Variants in THOC2 observed in about 807,000 individuals in gnomAD.
The protein encoded by THOC2 is THO complex subunit 2, also known as THO complex 2.
In THOC2, 10 loss-of-function variants were observed where a neutral mutation model predicts 128.4. The ratio of observed to expected loss-of-function variants is 0.08; its 90% confidence interval spans 0.05 to 0.13. The LOEUF is 0.13. Ranked by LOEUF, THOC2 falls within the 10% of genes least tolerant of loss-of-function variation. The pLI is 1.00. For synonymous variants in THOC2, 393 were observed against 396.9 expected, an observed-to-expected ratio of 0.99 and a Z score of 0.12; for missense variants, 535 against 1,155.7, an observed-to-expected ratio of 0.46 and a Z score of 7.79.
intron 19 of THOC2, 114 bp from the exon 20 acceptor site, chrX:123,634,184 G>C (rs945339685): frequency 4.9e-6 from 2 of 409,350 alleles, no homozygotes; most frequent in Non-Finnish European, 8.1e-6. Flanking sequence ...TAAATATGGG[G>C]GAAGGGGCTG....
At position 123,624,646 on chromosome X, in the gene THOC2, T is replaced by G; in HGVS notation, c.3081A>C (p.Thr1027=). The change falls in exon 26 of 39, where the codon ACA becomes ACC. Residue 1027 remains threonine, a synonymous_variant. Coordinates refer to ENST00000245838, the MANE Select transcript of THOC2 (RefSeq NM_001081550.2). ...YDRVFSDIIY[T]VASCTENEAS... The stretch of plus-strand genomic sequence containing the variant: ...CTTCATTTTCAGTACAGCTTGCAAC[T>G]GTGTAAATTATGTCAGAGAAAACCT... 4 of 1,206,567 alleles carry G rather than the reference T, an allele frequency of 3.3e-6. No homozygotes were observed. Among genetic ancestry groups the G allele is most frequent in the Non-Finnish European group, 4.5e-6 (4 of 892,330 alleles).
intron 12 of THOC2, among the ~76,000 whole-genome samples, chrX:123,656,744 T>C (rs911023338): frequency 1.8e-5 from 2 of 108,961 alleles, no homozygotes; most frequent in Non-Finnish European, 3.8e-5. Context: ...GCATGGTGGC[T>C]CACGCCTGTA....
intron 9 of THOC2, among the ~76,000 whole-genome samples, chrX:123,669,607 C>T (rs1055920554): frequency 5.4e-5 from 6 of 111,620 alleles, no homozygotes; most frequent in Non-Finnish European, 7.5e-5. Context: ...TGAGCCACTG[C>T]GCCCGGCCAT....
intron 22 of THOC2, among the ~76,000 whole-genome samples, chrX:123,630,526 T>G (rs1178463093): frequency 9.8e-6 from 1 of 102,527 alleles, no homozygotes; most frequent in African/African-American, 3.7e-5. Context: ...GATAGGAGTA[T>G]CGCTTGAACC....
intron 1 of THOC2, among the ~76,000 whole-genome samples, chrX:123,715,296 A>G (rs1195927254): frequency 4.5e-5 from 5 of 109,965 alleles, no homozygotes; most frequent in Non-Finnish European, 9.5e-5. Context: ...CCTCAGCCCA[A>G]CAAAGTTCTG....
At chrX:123,687,752 T>G (rs2050059095) in intron 7 of THOC2, among the ~76,000 whole-genome samples, 1 of 111,859 alleles carries the variant, frequency 8.9e-6, no homozygotes, top group Non-Finnish European at 1.9e-5. Context: ...ATCCTCCAAA[T>G]ACAAGTTTTC....
At chrX:123,656,379 A>T (rs1225915684) in intron 12 of THOC2, among the ~76,000 whole-genome samples, 2 of 103,594 alleles carry the variant, frequency 1.9e-5, no homozygotes, top group Admixed American at 1.1e-4. Flanking sequence ...AGAGGAACTT[A>T]TGCTATTTAC....
intron 4 of THOC2, among the ~76,000 whole-genome samples, chrX:123,701,883 T>C (rs2050720479): frequency 9.0e-6 from 1 of 111,086 alleles, no homozygotes; most frequent in Non-Finnish European, 1.9e-5. Context: ...CTGGGACATG[T>C]GGTCATCTCA....
intron 30 of THOC2, 108 bp from the exon 31 acceptor site, chrX:123,621,695 G>C: frequency 1.7e-6 from 1 of 598,479 alleles, no homozygotes; most frequent in South Asian, 4.4e-5. Flanking sequence ...AAAAATACTA[G>C]AACTAAGGGG....
chrX:123,622,995 A>G (rs1334118847), intron 29 of THOC2, 110 bp downstream of exon 29: 2 of 886,002 alleles, frequency 2.3e-6, no homozygotes, highest in Admixed American at 6.3e-5. Flanking sequence ...ACTCCTATCT[A>G]GGGAATAAAA....
intron 12 of THOC2, among the ~76,000 whole-genome samples, chrX:123,654,163 C>T (rs2048472296): frequency 9.1e-6 from 1 of 110,145 alleles, no homozygotes; most frequent in Admixed American, 9.8e-5. Context: ...GAACAGAAAA[C>T]CAAACACCGC....
chrX:123,637,802 G>A (rs1318770033), intron 18 of THOC2, among the ~76,000 whole-genome samples: 1 of 111,190 alleles, frequency 9.0e-6, no homozygotes, highest in African/African-American at 3.3e-5. Context: ...CACCTCCCCA[G>A]TAATGCTTAC....
At chrX:123,713,448 C>T (rs1160333221) in intron 1 of THOC2, among the ~76,000 whole-genome samples, 2 of 102,697 alleles carry the variant, frequency 1.9e-5, no homozygotes, top group African/African-American at 7.3e-5. Flanking sequence ...GCACTGCAGC[C>T]TGGCAACAGA....
At chrX:123,677,686 T>C (rs1489355126) in intron 8 of THOC2, among the ~76,000 whole-genome samples, 1 of 109,432 alleles carries the variant, frequency 9.1e-6, no homozygotes, top group Non-Finnish European at 1.9e-5. Flanking sequence ...CTGGCCAATA[T>C]GGTGAAACTC....
rs770364856 is a variant in THOC2 at position 123,626,074 on chromosome X, AAAT to A, written c.2900-8_2900-6del. On this transcript the variant is annotated splice_region_variant and splice_polypyrimidine_tract_variant and intron_variant, in intron 24 of 38. Coordinates refer to ENST00000245838, the MANE Select transcript of THOC2 (RefSeq NM_001081550.2). ...TGGTCTCATTTTTGGTAGATTCTAA[AAAT>A]AAAGGAAGAATATATTAAGTGGTAA... 44 of 1,168,669 alleles carry A rather than the reference AAAT, an allele frequency of 3.8e-5. No homozygotes were observed. In the South Asian group the frequency reaches 6.9e-4, roughly 18 times the overall value.
chrX:123,684,082 G>C lies in THOC2; in HGVS notation c.768+2466C>G, dbSNP rs28536593. Among the ~76,000 whole-genome samples, 413 of 110,158 alleles carry C rather than the reference G, an allele frequency of 3.7e-3. 3 individuals are homozygous for C. Among genetic ancestry groups the C allele is most frequent in the African/African-American group, 0.013 (391 of 30,399 alleles). ...TTATTCAAATACTGTTGACCCCCCC[G>C]GGTATATTTTAATTCAGCTCAGAAA... On this transcript the variant is annotated intron_variant, in intron 8 of 38. Transcript: ENST00000245838.
At chrX:123,702,618 A>G in intron 4 of THOC2, among the ~76,000 whole-genome samples, 1 of 105,367 alleles carries the variant, frequency 9.5e-6, no homozygotes, top group East Asian at 2.8e-4. Context: ...ATGTGTATAT[A>G]CATATATTTT....
At position 123,678,008 on chromosome X, in the gene THOC2, C is replaced by T. The variant is rs369481084; in HGVS notation, c.769-6247G>A. Among the ~76,000 whole-genome samples, 365 of 111,230 alleles carry T rather than the reference C, an allele frequency of 3.3e-3. 3 individuals carry two copies. The highest frequency in any genetic ancestry group is 0.011 in the African/African-American group (347 of 30,568). ...ACTGTCTTCCATCTCCACATCTTGT[C>T]CCACTAGAAGATGTTTAGGGGCAAT... On this transcript the variant is annotated intron_variant, in intron 8 of 38. Coordinates refer to ENST00000245838, the MANE Select transcript of THOC2 (RefSeq NM_001081550.2).
At chrX:123,700,798 A>T (rs1427225198) in intron 4 of THOC2, among the ~76,000 whole-genome samples, 1 of 111,853 alleles carries the variant, frequency 8.9e-6, no homozygotes, top group Non-Finnish European at 1.9e-5. Context: ...GTAAGGATTA[A>T]AACAAAGATT....
Sources: allele counts gnomAD v4.1 joint callset (sites outside exome capture counted in the v4.1 genomes callset), GRCh38; gene constraint gnomAD v4.1.1; transcripts MANE v1.5; gene names NCBI Gene and HGNC (gene_info 2026-07-23, HGNC 2026-07-21).